Variants in ZNF782 observed in about 807,000 individuals in gnomAD.
ZNF782 encodes zinc finger protein 782.
In ZNF782, 12 loss-of-function variants were observed where a neutral mutation model predicts 13.0. That is an observed-to-expected ratio of 0.92 (90% CI 0.59 to 1.50). The LOEUF (loss-of-function observed/expected upper bound fraction) is 1.50, where lower values mean the gene tolerates loss of function less well. ZNF782 is among the 40% of genes most tolerant of loss of function. The pLI, the probability that ZNF782 is intolerant of heterozygous loss-of-function variation, is 0.00. For synonymous variants in ZNF782, 284 were observed against 283.0 expected (o/e 1.00, Z -0.04); for missense variants, 770 against 822.9 (o/e 0.94, Z 0.79).
chr9:96,917,887 C>CGTGTGTGTGTCTGT, the ZNF782 span, among the ~76,000 whole-genome samples: 8 of 121,718 alleles, frequency 6.6e-5, no homozygotes, highest in African/African-American at 2.5e-4. Flanking sequence ...CCACCCTTGG[C>CGTGTGTGTGTCTGT]GTGTGTGTGT....
chr9:96,876,962 A>G, upstream of ZNF782, among the ~76,000 whole-genome samples: 1 of 146,734 alleles, frequency 6.8e-6, no homozygotes, highest in African/African-American at 2.6e-5. Context: ...AAAAAAAAAA[A>G]AAAAAAAAAA....
At chr9:96,916,049 G>C in the ZNF782 span, among the ~76,000 whole-genome samples, 15 of 151,712 alleles carry the variant, frequency 9.9e-5, no homozygotes, top group Admixed American at 9.9e-4. Context: ...AAGTGAATAA[G>C]GAAAAAACAT....
At chr9:96,916,113 G>T in the ZNF782 span, among the ~76,000 whole-genome samples, 4 of 151,942 alleles carry the variant, frequency 2.6e-5, no homozygotes, top group African/African-American at 7.2e-5. Context: ...TTAAAGCTTC[G>T]TCTCTTCACT....
upstream of ZNF782, among the ~76,000 whole-genome samples, chr9:96,859,200 AGC>A (rs1443427906): frequency 6.6e-6 from 1 of 152,176 alleles, no homozygotes; most frequent in Non-Finnish European, 1.5e-5. Context: ...AGGCTGTCTA[AGC>A]CACAAGGACT....
chr9:96,901,250 G>C, the ZNF782 span, among the ~76,000 whole-genome samples: 3 of 149,498 alleles, frequency 2.0e-5, no homozygotes, highest in Non-Finnish European at 3.0e-5. Flanking sequence ...AACATCTACT[G>C]TCCTATAATT....
At chr9:96,912,183 G>A in the ZNF782 span, among the ~76,000 whole-genome samples, 2 of 131,786 alleles carry the variant, frequency 1.5e-5, no homozygotes, top group South Asian at 2.7e-4. Context: ...TTGGGCAAGA[G>A]TGAAACTCCG....
At chr9:96,906,920 G>C in the ZNF782 span, among the ~76,000 whole-genome samples, 1 of 152,046 alleles carries the variant, frequency 6.6e-6, no homozygotes, top group Non-Finnish European at 1.5e-5. Flanking sequence ...CAACTCATTA[G>C]CACACAAAAA....
rs184462037 is a variant in ZNF782, at chr9:96,831,555, A to C, written c.143-4374T>G. On this transcript the variant is annotated intron_variant, in intron 4 of 5. Coordinates refer to ENST00000481138, the MANE Select transcript of ZNF782 (RefSeq NM_001001662.3). Reference sequence around the variant, plus strand: ...AAACTCTCTCTCTACTAAAAATACAAAAAAAAAATTAGCTGGACATGGTGG... The same window carrying C: ...AAACTCTCTCTCTACTAAAAATACACAAAAAAAATTAGCTGGACATGGTGG... Among the ~76,000 whole-genome samples, 9 of 150,958 alleles carry C rather than the reference A, an allele frequency of 6.0e-5. 1 individual carries two copies. The highest frequency in any genetic ancestry group is 2.2e-4 in the African/African-American group (9 of 41,190).
Position 96,817,098 on chromosome 9 carries a change from C to T in ZNF782, c.*825G>A, listed in dbSNP as rs1321659126. The T allele has an allele frequency of 6.6e-6, 1 of 152,196 alleles. No individual in the cohort carries two copies. Among genetic ancestry groups the T allele is most frequent in the East Asian group, 1.9e-4 (1 of 5,202 alleles). 9.4% of individuals were successfully genotyped at this position (152,196 alleles called of 1,614,324 possible). On this transcript the variant is annotated 3_prime_UTR_variant, in exon 6 of 6. Transcript: ENST00000481138. Reference sequence around the variant, plus strand: ...ATCCTTCTCTGACCCGGGTTCCTACCATCTTGTACTTTCCATCATCAGAGC... The same window carrying T: ...ATCCTTCTCTGACCCGGGTTCCTACTATCTTGTACTTTCCATCATCAGAGC...
intron 4 of ZNF782, among the ~76,000 whole-genome samples, chr9:96,843,212 C>G (rs1851240287): frequency 6.6e-6 from 1 of 152,144 alleles, no homozygotes; most frequent in South Asian, 2.1e-4. Context: ...CCCAGAAAAA[C>G]TTATGTTCAC....
chr9:96,842,475 G>C (rs901772276), intron 4 of ZNF782, among the ~76,000 whole-genome samples: 4 of 151,996 alleles, frequency 2.6e-5, no homozygotes, highest in Non-Finnish European at 5.9e-5. Context: ...GCTATTCAAT[G>C]AAGGGTAATG....
At chr9:96,928,921 A>C in the ZNF782 span, 1 of 1,247,928 alleles carries the variant, frequency 8.0e-7, no homozygotes. Flanking sequence ...CTCCACTTGG[A>C]CTCAGGAGGA....
rs370330129 is a variant in ZNF782 at position 96,817,902 on chromosome 9, G to A, written c.*21C>T. The A allele has an allele frequency of 3.8e-5, 57 of 1,519,286 alleles. No homozygotes were observed. The African/African-American group carries it at 6.0e-4, about 16-fold the overall frequency. 94.1% of individuals were successfully genotyped at this position (1,519,286 alleles called of 1,614,324 possible). On this transcript the variant is annotated 3_prime_UTR_variant, in exon 6 of 6. Coordinates refer to ENST00000481138, the MANE Select transcript of ZNF782 (RefSeq NM_001001662.3). ...TTGATTTCCAGCTCAGAGTTTTTTC[G>A]TATTCTTTATATGCATACATTTAAT...
the ZNF782 span, among the ~76,000 whole-genome samples, chr9:96,922,918 G>A: frequency 2.0e-5 from 3 of 147,456 alleles, no homozygotes; most frequent in East Asian, 4.3e-4. Flanking sequence ...TTCTCCACTC[G>A]CACAAACCAG....
chr9:96,902,955 A>G, the ZNF782 span: 2 of 151,324 alleles, frequency 1.3e-5, no homozygotes, highest in African/African-American at 4.9e-5. Flanking sequence ...AGCATGCACC[A>G]TCACACCGGG....
At chr9:96,832,025 T>G (rs1467129414) in intron 4 of ZNF782, among the ~76,000 whole-genome samples, 1 of 151,812 alleles carries the variant, frequency 6.6e-6, no homozygotes, top group African/African-American at 2.4e-5. Flanking sequence ...ATTTTATTTG[T>G]TTTTTTTGTT....
chr9:96,913,708 A>G, the ZNF782 span, among the ~76,000 whole-genome samples: 1 of 151,902 alleles, frequency 6.6e-6, no homozygotes, highest in Non-Finnish European at 1.5e-5. Context: ...ATTTTTTAGT[A>G]GAGACAGAGT....
At chr9:96,857,899 T>C (rs1469614589), upstream of ZNF782, among the ~76,000 whole-genome samples, 2 of 152,262 alleles carry the variant, frequency 1.3e-5, no homozygotes. Flanking sequence ...TAAATTGCTC[T>C]TGTAATAATC....
chr9:96,903,371 G>A, the ZNF782 span, among the ~76,000 whole-genome samples: 8 of 151,638 alleles, frequency 5.3e-5, no homozygotes, highest in African/African-American at 1.9e-4. Flanking sequence ...AAGTTGCTGG[G>A]TCCCTTTTTT....
Sources: gnomAD v4.1 joint callset for allele counts (sites outside exome capture counted in the v4.1 genomes callset) on GRCh38, gnomAD v4.1.1 for gene constraint, MANE v1.5 for transcripts, NCBI Gene and HGNC (gene_info 2026-07-23, HGNC 2026-07-21) for gene names.